The following FUZ variants were observed in gnomAD, a reference collection of about 807,000 sequenced individuals.
The protein encoded by FUZ is protein fuzzy homolog.
In FUZ, 31 loss-of-function variants were observed where a neutral mutation model predicts 43.1. The observed-to-expected ratio is 0.72, with a 90% confidence interval of 0.54 to 0.97. The LOEUF is 0.97. FUZ is among the 50% of genes least tolerant of loss of function. FUZ has a pLI of 0.00. For synonymous variants in FUZ, 274 were observed against 250.0 expected (o/e 1.10, Z -0.91); for missense variants, 539 against 543.8 (o/e 0.99, Z 0.09).
chr19:49,808,915 T>G, intron 7 of FUZ, 92 bp from the exon 8 acceptor site: 1 of 1,016,846 alleles, frequency 9.8e-7, no homozygotes, highest in Non-Finnish European at 1.5e-6. Flanking sequence ...GCGTGGTCAA[T>G]CGGGAGGGGC....
At chr19:49,812,480 G>C (rs1250012432) in intron 2 of FUZ, 135 bp downstream of exon 2, 2 of 1,374,874 alleles carry the variant, frequency 1.5e-6, no homozygotes, top group African/African-American at 2.9e-5. Flanking sequence ...AGGGATCAAA[G>C]AGGGTAACTG....
chr19:49,809,558 G>A lies in FUZ; in HGVS notation c.510C>T (p.Phe170=). ...CGAAGGTCGTGCCCGCGGCCTCAGC[G>A]AACCCGGAGAGGGCTTCCTGGGTAC... ...GSLLQEALSG[F]AEAAGTTFVS... is the part of the protein sequence containing the mutation. Residue 170 remains phenylalanine, a synonymous_variant, in exon 6 of 11, where the codon TTC becomes TTT. Transcript: ENST00000313777. The surrounding 1 kb of genome is among the most constrained non-coding windows in gnomAD (Gnocchi z 5.1). The A allele has an allele frequency of 1.3e-6, 2 of 1,598,352 alleles. No individual in the cohort carries two copies. Among genetic ancestry groups the A allele is most frequent in the Non-Finnish European group, 1.7e-6 (2 of 1,176,720 alleles).
At chr19:49,807,517 G>A in intron 10 of FUZ, 143 bp from the exon 11 acceptor site, 3 of 772,278 alleles carry the variant, frequency 3.9e-6, no homozygotes, top group Non-Finnish European at 4.4e-6. Context: ...GGGCCTCGGG[G>A]CTCTAGCTGG....
rs2073564465 is a variant in FUZ, at chr19:49,808,756, G to GCCCA, written c.853_854insTGGG (p.Ala285ValfsTer36). ...GTGAAGGGGGAAGCCACTGGGCAGC[G>GCCCA]CCCGGGGTCCCAACGGCAGACAGGC... On this transcript the variant is annotated frameshift_variant, in exon 8 of 11. Coordinates refer to ENST00000313777, the MANE Select transcript of FUZ (RefSeq NM_025129.5). LOFTEE classifies it high-confidence loss of function. 12 of 1,578,438 alleles carry GCCCA rather than the reference G, an allele frequency of 7.6e-6. No homozygotes were observed. The highest frequency in any genetic ancestry group is 1.0e-5 in the Non-Finnish European group (12 of 1,162,012).
chr19:49,808,833 G>T lies in FUZ; in HGVS notation c.787-10C>A, dbSNP rs1247048060. 8 of 1,543,742 alleles carry T rather than the reference G, an allele frequency of 5.2e-6. No homozygotes were observed. Among genetic ancestry groups the T allele is most frequent in the Non-Finnish European group, 7.0e-6 (8 of 1,146,620 alleles). ...ACCAGCGCTCCAGAAGCTGCAGGGG[G>T]CGTGGTCATTGTGAGGTCGTCATGG... is the stretch of plus-strand genomic sequence containing the variant. On this transcript the variant is annotated splice_polypyrimidine_tract_variant and intron_variant, in intron 7 of 10. Coordinates refer to ENST00000313777, the MANE Select transcript of FUZ (RefSeq NM_025129.5).
chr19:49,813,292 C>G lies in FUZ; in HGVS notation c.-186G>C. On this transcript the variant is annotated 5_prime_UTR_variant, in exon 1 of 11. Coordinates refer to ENST00000313777, the MANE Select transcript of FUZ (RefSeq NM_025129.5). Reference sequence around the variant, plus strand: ...AACAGACCCTCAAACCCTATTCAGGCACCTCCCCCAAACCCATTAGGTTCT... The same window carrying G: ...AACAGACCCTCAAACCCTATTCAGGGACCTCCCCCAAACCCATTAGGTTCT... 1 of 697,558 alleles carries G rather than the reference C, an allele frequency of 1.4e-6. No homozygotes were observed. The highest frequency in any genetic ancestry group is 2.6e-6 in the Non-Finnish European group (1 of 383,716). 43.2% of individuals were successfully genotyped at this position (697,558 alleles called of 1,614,324 possible). A position where few individuals can be genotyped will look rare whatever the true frequency, so the allele number is the denominator to read the frequency against.
chr19:49,809,639 C>A lies in FUZ; in HGVS notation c.493-64G>T, dbSNP rs1568604009. 12 of 1,501,030 alleles carry A rather than the reference C, an allele frequency of 8.0e-6. No individual in the cohort carries two copies. The East Asian group carries it at 2.9e-4, about 37-fold the overall frequency. The allele number at this position is 1,501,030 out of a possible 1,614,324, so 93.0% of individuals were successfully genotyped here. ...AAGCGTAGGGGGTGGCAGCGACTTC[C>A]CAGATGGGCAGGGAATGGGGAGAAA... On this transcript the variant is annotated intron_variant, in intron 5 of 10. Transcript: ENST00000313777. This position sits in a 1 kb window ranked among gnomAD's most constrained non-coding sequence, Gnocchi z 5.1.
Position 49,811,477 on chromosome 19 carries a change from G to A in FUZ, c.388-10C>T. On this transcript the variant is annotated splice_polypyrimidine_tract_variant and intron_variant, in intron 4 of 10. Coordinates refer to ENST00000313777, the MANE Select transcript of FUZ (RefSeq NM_025129.5). The stretch of plus-strand genomic sequence containing the variant: ...TGAGGCAATAACTGGCCTAGGAGAG[G>A]AAGAAGGGACCAGCCTAGGATTCAA... 6.2e-7 allele frequency: 1 copy of A among 1,612,186 alleles called. No individual in the cohort carries two copies. The highest frequency in any genetic ancestry group is 2.2e-5 in the East Asian group (1 of 44,868).
In FUZ at chr19:49,812,940, C is replaced by A. The variant is rs566599341; in HGVS notation, c.111+56G>T. ...CCCCAGCCCCTACTGCCTTGAAGAC[C>A]CAGAGTCAAAACACCGAACCCCCTT... On this transcript the variant is annotated intron_variant, in intron 1 of 10. Coordinates refer to ENST00000313777, the MANE Select transcript of FUZ (RefSeq NM_025129.5). The A allele has an allele frequency of 4.8e-4, 702 of 1,473,220 alleles. 5 individuals carry two copies. The South Asian group carries it at 8.1e-3, about 17-fold the overall frequency. The allele number at this position is 1,473,220 out of a possible 1,614,324, so 91.3% of individuals were successfully genotyped here. A position where few individuals can be genotyped will look rare whatever the true frequency, so the allele number is the denominator to read the frequency against.
intron 7 of FUZ, 66 bp from the exon 8 acceptor site, chr19:49,808,889 G>T: frequency 7.9e-7 from 1 of 1,265,028 alleles, no homozygotes; most frequent in Non-Finnish European, 1.1e-6. Flanking sequence ...AGGTCGGGGG[G>T]TGTACAAGGA....
At position 49,808,629 on chromosome 19, in the gene FUZ, G is replaced by C. The variant is rs1313692147; in HGVS notation, c.903C>G (p.Leu301=). Residue 301 remains leucine, a synonymous_variant, in exon 9 of 11, where the codon CTC becomes CTG. Transcript: ENST00000313777. ...PLHTDILGLL[L]LHLELKRCLF... ...GGCAGCGCTTCAGTTCCAGGTGGAG[G>C]AGCAGCAGCCTGTGGGAAAGGGAAG... is the stretch of plus-strand genomic sequence containing the variant. 36 of 1,613,364 alleles carry C rather than the reference G, an allele frequency of 2.2e-5. No individual in the cohort carries two copies. Among genetic ancestry groups the C allele is most frequent in the Non-Finnish European group, 2.9e-5 (34 of 1,179,718 alleles).
chr19:49,813,300 C>G (rs1010537286), upstream of FUZ: 14 of 687,120 alleles, frequency 2.0e-5, no homozygotes, highest in Non-Finnish European at 3.5e-5. Context: ...GGCACCTCCC[C>G]CAAACCCATT....
intron 5 of FUZ, among the ~76,000 whole-genome samples, chr19:49,810,016 C>T (rs1568604664): frequency 1.3e-5 from 2 of 152,164 alleles, no homozygotes; most frequent in Non-Finnish European, 2.9e-5. Context: ...GAAGAACATG[C>T]ACTGAGGTTG....
chr19:49,811,925 T>C (rs1440118597), intron 3 of FUZ, among the ~76,000 whole-genome samples: 1 of 152,096 alleles, frequency 6.6e-6, no homozygotes, highest in Non-Finnish European at 1.5e-5. Context: ...CTGGCCAATA[T>C]GGTGAAACCC....
intron 5 of FUZ, 61 bp downstream of exon 5, chr19:49,811,302 G>C: frequency 2.6e-6 from 3 of 1,159,680 alleles, no homozygotes; most frequent in Non-Finnish European, 1.3e-6. Flanking sequence ...GAAGAAAGAG[G>C]ATGAGGACTG....
At position 49,809,773 on chromosome 19, in the gene FUZ, G is replaced by T. The variant is rs2073667538; in HGVS notation, c.493-198C>A. On this transcript the variant is annotated intron_variant, in intron 5 of 10. Coordinates refer to ENST00000313777, the MANE Select transcript of FUZ (RefSeq NM_025129.5). This position sits in a 1 kb window ranked among gnomAD's most constrained non-coding sequence, Gnocchi z 5.1. ...AAGTCACATCCCCAACTCACACTGT[G>T]AAGTCTGTGAAATCTGATTAAACAT... The T allele has an allele frequency of 4.8e-6, 3 of 625,082 alleles. No individual in the cohort carries two copies. In the Admixed American group the frequency reaches 7.8e-5, roughly 16 times the overall value. 38.7% of individuals were successfully genotyped at this position (625,082 alleles called of 1,614,324 possible). A position where few individuals can be genotyped will look rare whatever the true frequency, so the allele number is the denominator to read the frequency against.
Position 49,813,133 on chromosome 19 carries a change from G to T in FUZ, c.-27C>A, listed in dbSNP as rs375562420. 64 of 1,525,838 alleles carry T rather than the reference G, an allele frequency of 4.2e-5. No homozygotes were observed. The African/African-American group carries it at 8.1e-4, about 19-fold the overall frequency. The allele number at this position is 1,525,838 out of a possible 1,614,324, so 94.5% of individuals were successfully genotyped here. A position where few individuals can be genotyped will look rare whatever the true frequency, so the allele number is the denominator to read the frequency against. On this transcript the variant is annotated 5_prime_UTR_variant, in exon 1 of 11. Transcript: ENST00000313777. ...TAGGACTCCCACCGCGGTCCCTCAC[G>T]TGGGGACTGTCAGTGCGGGTCTTGG...
In FUZ at chr19:49,809,115, TG is replaced by T; in HGVS notation, c.786+47del. On this transcript the variant is annotated intron_variant, in intron 7 of 10. Coordinates refer to ENST00000313777, the MANE Select transcript of FUZ (RefSeq NM_025129.5). This position sits in a 1 kb window ranked among gnomAD's most constrained non-coding sequence, Gnocchi z 5.1. ...GCAGGGTGGTGGGGAAGGGCCCTCC[TG>T]GTAGCGGGTGTCCTAAGAGCGAAAG... 6.6e-7 allele frequency: 1 copy of T among 1,513,280 alleles called. No individual in the cohort carries two copies. Among genetic ancestry groups the T allele is most frequent in the Non-Finnish European group, 9.0e-7 (1 of 1,113,316 alleles). 93.7% of individuals were successfully genotyped at this position (1,513,280 alleles called of 1,614,324 possible).
At position 49,811,645 on chromosome 19, in the gene FUZ, T is replaced by G. The variant is rs1435808496; in HGVS notation, c.373A>C (p.Lys125Gln). Reference protein sequence around the residue: ...LTNIRNVERLKKDLRASYCLI... With the variant: ...LTNIRNVERLQKDLRASYCLI... ...TGCAACCTCACCCTCAAGTCCTTCT[T>G]CAGTCTCTCCACGTTGCGGATATTG... is the stretch of plus-strand genomic sequence containing the variant. Residue 125 changes from lysine (K) to glutamine (Q), a missense_variant, in exon 4 of 11, where the codon AAG (lysine) becomes CAG (glutamine). Physicochemically the swap from Lys to Gln is moderately conservative, Grantham distance 53. Transcript: ENST00000313777. The G allele has an allele frequency of 1.9e-6, 3 of 1,614,046 alleles. No homozygotes were observed. Among genetic ancestry groups the G allele is most frequent in the Non-Finnish European group, 2.5e-6 (3 of 1,180,014 alleles).
Sources: allele counts gnomAD v4.1 joint callset (sites outside exome capture counted in the v4.1 genomes callset), GRCh38; gene constraint gnomAD v4.1.1; non-coding constraint Gnocchi (gnomAD v3.1); transcripts MANE v1.5; gene names NCBI Gene and HGNC (gene_info 2026-07-23, HGNC 2026-07-21).